The following PIK3AP1 variants were observed in gnomAD, a reference collection of about 807,000 sequenced individuals.
The protein encoded by PIK3AP1 is phosphoinositide 3-kinase adapter protein 1.
A neutral mutation model predicts 88.1 loss-of-function variants in PIK3AP1; 21 were observed. The observed-to-expected ratio is 0.24, with a 90% confidence interval of 0.17 to 0.34. The LOEUF (loss-of-function observed/expected upper bound fraction) is 0.34. Among genes scored for constraint, PIK3AP1 ranks in the 10% least tolerant of loss-of-function variants. The probability of loss-of-function intolerance (pLI) is 1.00; values close to 1 mark genes in which losing one functional copy is unlikely to be tolerated. For synonymous variants in PIK3AP1, 398 were observed against 400.0 expected (o/e 1.00, Z 0.06); for missense variants, 828 against 1,035.7 (o/e 0.80, Z 2.75).
intron 8 of PIK3AP1, among the ~76,000 whole-genome samples, chr10:96,632,217 T>C (rs1843253814): frequency 6.6e-6 from 1 of 152,110 alleles, no homozygotes; most frequent in African/African-American, 2.4e-5. Flanking sequence ...AAAAAGAGTA[T>C]CAGTGGCACA....
intron 16 of PIK3AP1, among the ~76,000 whole-genome samples, chr10:96,599,712 G>A (rs1437893204): frequency 2.6e-5 from 4 of 152,196 alleles, no homozygotes; most frequent in East Asian, 1.9e-4. Context: ...AAATATCCCC[G>A]TATTTTATTG....
chr10:96,693,982 A>G (rs1268185479), intron 2 of PIK3AP1, among the ~76,000 whole-genome samples: 1 of 152,212 alleles, frequency 6.6e-6, no homozygotes, highest in African/African-American at 2.4e-5. Flanking sequence ...CTAGGATACC[A>G]TTAAATAGCC....
At chr10:96,641,544 C>T (rs960878867) in intron 8 of PIK3AP1, among the ~76,000 whole-genome samples, 8 of 152,166 alleles carry the variant, frequency 5.3e-5, no homozygotes, top group Non-Finnish European at 1.2e-4. Flanking sequence ...ATAAACGTGG[C>T]AATCTAGACA....
In PIK3AP1 at chr10:96,597,940, A is replaced by C. The variant is rs542463373; in HGVS notation, c.2361-2306T>G. 1.1e-3 allele frequency among the ~76,000 whole-genome samples: 163 copies of C among 152,174 alleles called. 1 individual carries two copies. The highest frequency in any genetic ancestry group is 3.7e-3 in the African/African-American group (155 of 41,494). ...TATGGGCATACCCTCTCTAGGTTTC[A>C]TTCTGAGGAACAACTCCAGCTAAAG... On this transcript the variant is annotated intron_variant, in intron 16 of 16. Coordinates refer to ENST00000339364, the MANE Select transcript of PIK3AP1 (RefSeq NM_152309.3).
intron 10 of PIK3AP1, among the ~76,000 whole-genome samples, chr10:96,625,104 G>C (rs1192634912): frequency 1.3e-5 from 2 of 152,152 alleles, no homozygotes; most frequent in Non-Finnish European, 2.9e-5. Context: ...GGGCAACCTA[G>C]GAATGACTAG....
chr10:96,713,796 C>T (rs1316109614), intron 1 of PIK3AP1, among the ~76,000 whole-genome samples: 2 of 152,110 alleles, frequency 1.3e-5, no homozygotes, highest in Admixed American at 1.3e-4. Context: ...GTACTCATTT[C>T]CCCCTGGATC....
chr10:96,663,743 A>T (rs150942060), intron 2 of PIK3AP1, among the ~76,000 whole-genome samples: 1 of 152,230 alleles, frequency 6.6e-6, no homozygotes, highest in East Asian at 1.9e-4. Flanking sequence ...GATGTCACGA[A>T]ATCTCTTTTA....
At chr10:96,661,792 TAGGACAGGACAGGACAGGAC>T (rs138792870) in intron 2 of PIK3AP1, among the ~76,000 whole-genome samples, 2 of 141,246 alleles carry the variant, frequency 1.4e-5, no homozygotes, top group African/African-American at 2.7e-5. Flanking sequence ...AAGGACAGGA[TAGGACAGGACAGGACAGGAC>T]AGGACAGGAC....
In PIK3AP1 at chr10:96,595,357, T is replaced by A. The variant is rs549030276; in HGVS notation, c.*220A>T. 3 of 569,626 alleles carry A rather than the reference T, an allele frequency of 5.3e-6. No individual in the cohort carries two copies. The African/African-American group carries it at 5.7e-5, about 11-fold the overall frequency. The allele number at this position is 569,626 out of a possible 1,614,324, so 35.3% of individuals were successfully genotyped here. A position where few individuals can be genotyped will look rare whatever the true frequency, so the allele number is the denominator to read the frequency against. Reference sequence around the variant, plus strand: ...TGGCAAACAAGTATATGGTTCGATATACTTGGTGATGGTGAATGAAGCCCT... The same window carrying A: ...TGGCAAACAAGTATATGGTTCGATAAACTTGGTGATGGTGAATGAAGCCCT... On this transcript the variant is annotated 3_prime_UTR_variant, in exon 17 of 17. Coordinates refer to ENST00000339364, the MANE Select transcript of PIK3AP1 (RefSeq NM_152309.3).
In PIK3AP1 at chr10:96,638,719, C is replaced by T. The variant is rs571767597; in HGVS notation, c.1375+6754G>A. On this transcript the variant is annotated intron_variant, in intron 8 of 16. Transcript: ENST00000339364. ...GTGGTGCTGTGCAGTGAGTCGCACG[C>T]GGTAGCCCACCTGAACACAGTCCCA... 3.9e-5 allele frequency among the ~76,000 whole-genome samples: 6 copies of T among 152,320 alleles called. No homozygotes were observed. In the South Asian group the frequency reaches 8.3e-4, roughly 21 times the overall value.
chr10:96,629,891 C>G (rs1480466721), intron 8 of PIK3AP1, among the ~76,000 whole-genome samples: 1 of 30,458 alleles, frequency 3.3e-5, no homozygotes, highest in East Asian at 1.1e-3. Context: ...AAGACCCTGT[C>G]TCAATAACAA....
At chr10:96,691,588 G>C (rs1028948253) in intron 2 of PIK3AP1, among the ~76,000 whole-genome samples, 1 of 152,238 alleles carries the variant, frequency 6.6e-6, no homozygotes, top group Non-Finnish European at 1.5e-5. Flanking sequence ...ACTGGGGCCA[G>C]TGTTCCAGCC....
At position 96,595,609 on chromosome 10, in the gene PIK3AP1, G is replaced by C; in HGVS notation, c.2386C>G (p.Pro796Ala). Residue 796 changes from proline to alanine, a missense_variant, in exon 17 of 17, where the codon CCT becomes GCT. By Grantham distance (27) the Pro-to-Ala change is conservative. Transcript: ENST00000339364. ...CCTCTGGGTGGAACAGGTGGAGGAG[G>C]ATGGAAGGTCTCCCTGGTCGGAGGC... ...QRPPTRETFH[P>A]PPPVPPRGR 2 of 1,613,394 alleles carry C rather than the reference G, an allele frequency of 1.2e-6. No homozygotes were observed. Among genetic ancestry groups the C allele is most frequent in the Non-Finnish European group, 8.5e-7 (1 of 1,179,750 alleles).
intron 1 of PIK3AP1, 68 bp from the exon 2 acceptor site, chr10:96,710,051 C>A: frequency 6.8e-7 from 1 of 1,473,550 alleles, no homozygotes. Flanking sequence ...CCACAGCCTG[C>A]AAAGGTAGAG....
chr10:96,602,997 C>T (rs575735901), intron 15 of PIK3AP1, among the ~76,000 whole-genome samples: 4 of 152,144 alleles, frequency 2.6e-5, no homozygotes, highest in Non-Finnish European at 4.4e-5. Context: ...ACCCCGGCTC[C>T]CTCTGGCAGG....
intron 16 of PIK3AP1, among the ~76,000 whole-genome samples, chr10:96,597,062 C>T (rs1211434277): frequency 6.6e-6 from 1 of 152,052 alleles, no homozygotes; most frequent in Non-Finnish European, 1.5e-5. Flanking sequence ...AGGTCCTGCC[C>T]TAGTCCCAGG....
chr10:96,663,159 T>C (rs1843715852), intron 2 of PIK3AP1, among the ~76,000 whole-genome samples: 1 of 151,910 alleles, frequency 6.6e-6, no homozygotes, highest in Non-Finnish European at 1.5e-5. Flanking sequence ...TGTGGGACAA[T>C]AGCTAAGAGG....
At chr10:96,683,085 C>T (rs1844024238) in intron 2 of PIK3AP1, among the ~76,000 whole-genome samples, 1 of 152,192 alleles carries the variant, frequency 6.6e-6, no homozygotes, top group Non-Finnish European at 1.5e-5. Flanking sequence ...ACAACCAAAA[C>T]TTAAAAGGTG....
chr10:96,685,838 T>C (rs1163564850), intron 2 of PIK3AP1, among the ~76,000 whole-genome samples: 1 of 152,156 alleles, frequency 6.6e-6, no homozygotes, highest in Non-Finnish European at 1.5e-5. Flanking sequence ...TGTGTGCCCA[T>C]CCCTGCTGAG....
Sources: gnomAD v4.1 joint callset for allele counts (sites outside exome capture counted in the v4.1 genomes callset) on GRCh38, gnomAD v4.1.1 for gene constraint, MANE v1.5 for transcripts, NCBI Gene and HGNC (gene_info 2026-07-23, HGNC 2026-07-21) for gene names.